Variants in KIRREL3 observed in about 807,000 individuals in gnomAD.
The protein encoded by KIRREL3 is kin of IRRE-like protein 3.
In KIRREL3, 36 loss-of-function variants were observed where a neutral mutation model predicts 89.7. That is an observed-to-expected ratio of 0.40 (90% confidence interval 0.31 to 0.53). KIRREL3 has a LOEUF of 0.53. Among genes scored for constraint, KIRREL3 ranks in the 20% least tolerant of loss-of-function variants. The pLI, the probability that KIRREL3 is intolerant of heterozygous loss-of-function variation, is 0.49. For missense variants in KIRREL3, 864 were observed against 1,056.6 expected (o/e 0.82, Z 2.53); for synonymous variants, 445 against 441.4 (o/e 1.01, Z -0.10).
chr11:126,886,373 T>G (rs1396996469), intron 1 of KIRREL3, among the ~76,000 whole-genome samples: 1 of 152,232 alleles, frequency 6.6e-6, no homozygotes, highest in Non-Finnish European at 1.5e-5. Flanking sequence ...TCATTTGTAC[T>G]GCCTCAGCCC....
intron 1 of KIRREL3, among the ~76,000 whole-genome samples, chr11:126,816,660 T>C (rs1219565100): frequency 1.3e-5 from 2 of 152,208 alleles, no homozygotes; most frequent in Non-Finnish European, 2.9e-5. Flanking sequence ...CCAAGGATAC[T>C]ATTTAATCTC....
rs1226248453 is a variant in KIRREL3 at position 126,601,388 on chromosome 11, C to A, written c.56-38476G>T. ...GGCGATGGGAACACAGCTCTGGGAGCACCTGCAATCTCATCTTGTTTCTTT... is the reference window on the plus strand; with the variant it reads ...GGCGATGGGAACACAGCTCTGGGAGAACCTGCAATCTCATCTTGTTTCTTT... On this transcript the variant is annotated intron_variant, in intron 1 of 16. Coordinates refer to ENST00000525144, the MANE Select transcript of KIRREL3 (RefSeq NM_032531.4). The surrounding 1 kb of genome is among the most constrained non-coding windows in gnomAD (Gnocchi z 5.8). Among the ~76,000 whole-genome samples the A allele has an allele frequency of 6.6e-6, 1 of 152,192 alleles. No homozygotes were observed. Among genetic ancestry groups the A allele is most frequent in the East Asian group, 1.9e-4 (1 of 5,196 alleles).
chr11:126,974,914 TTATG>T (rs760317896), intron 1 of KIRREL3, among the ~76,000 whole-genome samples: 4 of 152,154 alleles, frequency 2.6e-5, no homozygotes, highest in Non-Finnish European at 5.9e-5. Context: ...ACTTATTTAT[TTATG>T]TATGTATTTA....
At chr11:126,799,825 A>C (rs1163344307) in intron 1 of KIRREL3, among the ~76,000 whole-genome samples, 1 of 152,184 alleles carries the variant, frequency 6.6e-6, no homozygotes, top group Admixed American at 6.5e-5. Flanking sequence ...AAAAGGAGCT[A>C]AGTCTGCTTT....
intron 1 of KIRREL3, among the ~76,000 whole-genome samples, chr11:126,726,869 G>A (rs544036358): frequency 6.6e-6 from 1 of 152,098 alleles, no homozygotes; most frequent in Non-Finnish European, 1.5e-5. Context: ...CTTTCTTCCT[G>A]CAAAACTCCT....
chr11:126,692,949 T>G (rs1946936988), intron 1 of KIRREL3, among the ~76,000 whole-genome samples: 1 of 152,238 alleles, frequency 6.6e-6, no homozygotes, highest in Non-Finnish European at 1.5e-5. Context: ...GTGACTTGCT[T>G]TGGCCCATAG....
intron 1 of KIRREL3, among the ~76,000 whole-genome samples, chr11:126,567,874 C>T (rs767816988): frequency 2.6e-5 from 4 of 152,090 alleles, no homozygotes; most frequent in African/African-American, 4.8e-5. Context: ...CCGGTGACAA[C>T]GGATAGGCAC....
Position 126,946,542 on chromosome 11 carries a change from T to C in KIRREL3, c.55+53913A>G, listed in dbSNP as rs997852920. On this transcript the variant is annotated intron_variant, in intron 1 of 16. Coordinates refer to ENST00000525144, the MANE Select transcript of KIRREL3 (RefSeq NM_032531.4). This position sits in a 1 kb window ranked among gnomAD's most constrained non-coding sequence, Gnocchi z 4.1. Reference sequence around the variant, plus strand: ...GGTGACTTTCCACTCTAAAACTCTATACATTATTTGATTCATTTATTTAAC... The same window carrying C: ...GGTGACTTTCCACTCTAAAACTCTACACATTATTTGATTCATTTATTTAAC... 1.3e-5 allele frequency among the ~76,000 whole-genome samples: 2 copies of C among 152,268 alleles called. No homozygotes were observed. The highest frequency in any genetic ancestry group is 2.9e-5 in the Non-Finnish European group (2 of 68,054).
chr11:126,857,881 G>A (rs1944582863), intron 1 of KIRREL3, among the ~76,000 whole-genome samples: 1 of 151,992 alleles, frequency 6.6e-6, no homozygotes, highest in Admixed American at 6.6e-5. Flanking sequence ...CATGAAGGAT[G>A]AGAAACCTAC....
intron 7 of KIRREL3, among the ~76,000 whole-genome samples, chr11:126,453,252 T>A (rs1383337772): frequency 6.6e-6 from 1 of 152,090 alleles, no homozygotes; most frequent in Non-Finnish European, 1.5e-5. Flanking sequence ...AGGTTTCATC[T>A]CGTGTGGGGG....
chr11:126,863,405 G>A (rs1944775906), intron 1 of KIRREL3, among the ~76,000 whole-genome samples: 1 of 45,954 alleles, frequency 2.2e-5, no homozygotes, highest in African/African-American at 1.0e-4. Context: ...GTGAGTGCGT[G>A]AGTGCGTGTG....
intron 4 of KIRREL3, among the ~76,000 whole-genome samples, chr11:126,507,723 C>A (rs1591649817): frequency 6.6e-6 from 1 of 152,190 alleles, no homozygotes; most frequent in Admixed American, 6.6e-5. Flanking sequence ...ATTATCTAAT[C>A]AAAGGTTTTT....
intron 1 of KIRREL3, among the ~76,000 whole-genome samples, chr11:126,777,954 A>G (rs1950215229): frequency 6.6e-6 from 1 of 151,984 alleles, no homozygotes; most frequent in Non-Finnish European, 1.5e-5. Flanking sequence ...AATAGGAAGG[A>G]GCAGACTAGC....
Position 126,872,586 on chromosome 11 carries a change from A to AAAC in KIRREL3, c.55+127866_55+127868dup, listed in dbSNP as rs1661264367. Among the ~76,000 whole-genome samples, 1 of 152,212 alleles carries AAAC rather than the reference A, an allele frequency of 6.6e-6. No homozygotes were observed. The highest frequency in any genetic ancestry group is 2.1e-4 in the South Asian group (1 of 4,830). On this transcript the variant is annotated intron_variant, in intron 1 of 16. Transcript: ENST00000525144. The surrounding 1 kb of genome is among the most constrained non-coding windows in gnomAD (Gnocchi z 4.2). ...TCACTTCACCTGCATCATTTACATC[A>AAAC]AACAGCCCCTCTAAGGGACCTTAGG... is the stretch of plus-strand genomic sequence containing the variant.
In KIRREL3 at chr11:126,525,033, C is replaced by G. The variant is rs952217038; in HGVS notation, c.283+1505G>C. On this transcript the variant is annotated intron_variant, in intron 3 of 16. Transcript: ENST00000525144. The surrounding 1 kb of genome is among the most constrained non-coding windows in gnomAD (Gnocchi z 5.4). ...ACACAGGCCCCAGTTTGTCAGAGGCCATTGTTCTGCAGCCCTAAGCAGGTA... is the reference window on the plus strand; with the variant it reads ...ACACAGGCCCCAGTTTGTCAGAGGCGATTGTTCTGCAGCCCTAAGCAGGTA... Among the ~76,000 whole-genome samples the G allele has an allele frequency of 3.3e-5, 5 of 152,180 alleles. No individual in the cohort carries two copies. Among genetic ancestry groups the G allele is most frequent in the Non-Finnish European group, 4.4e-5 (3 of 68,026 alleles).
chr11:126,999,135 C>T lies in KIRREL3; in HGVS notation c.55+1320G>A, dbSNP rs2135303946. On this transcript the variant is annotated intron_variant, in intron 1 of 16. Transcript: ENST00000525144. This position sits in a 1 kb window ranked among gnomAD's most constrained non-coding sequence, Gnocchi z 5.7. ...GGAGCCTTGGTGAGAAGCACACAAC[C>T]ATATGAATACATGAGTGTGTGTGTG... Among the ~76,000 whole-genome samples the T allele has an allele frequency of 7.2e-6, 1 of 139,250 alleles. No individual in the cohort carries two copies. The highest frequency in any genetic ancestry group is 2.9e-5 in the African/African-American group (1 of 34,698). The allele number at this position is 139,250 out of a possible 152,430, so 91.4% of individuals were successfully genotyped here. A position where few individuals can be genotyped will look rare whatever the true frequency, so the allele number is the denominator to read the frequency against.
chr11:126,849,097 G>A (rs956289351), intron 1 of KIRREL3, among the ~76,000 whole-genome samples: 1 of 152,190 alleles, frequency 6.6e-6, no homozygotes, highest in African/African-American at 2.4e-5. Flanking sequence ...GAGATAGGAG[G>A]TCGACACAAG....
chr11:126,838,801 A>G (rs1052826463), intron 1 of KIRREL3, among the ~76,000 whole-genome samples: 17 of 152,230 alleles, frequency 1.1e-4, no homozygotes, highest in African/African-American at 4.1e-4. Flanking sequence ...AAGGGGGGAA[A>G]TATATGATCC....
rs1259406969 is a variant in KIRREL3, at chr11:126,491,282, C to T, written c.434-17816G>A. Among the ~76,000 whole-genome samples, 1 of 152,168 alleles carries T rather than the reference C, an allele frequency of 6.6e-6. No individual in the cohort carries two copies. The highest frequency in any genetic ancestry group is 1.5e-5 in the Non-Finnish European group (1 of 68,026). ...AAGCCTGTGAGCCTGAAACTCTGCTCAGGTGTCCGAATGTAATGTGAGCCC... is the reference window on the plus strand; with the variant it reads ...AAGCCTGTGAGCCTGAAACTCTGCTTAGGTGTCCGAATGTAATGTGAGCCC... On this transcript the variant is annotated intron_variant, in intron 4 of 16. Transcript: ENST00000525144. The surrounding 1 kb of genome is among the most constrained non-coding windows in gnomAD (Gnocchi z 5.5).
Sources: allele counts gnomAD v4.1 joint callset (sites outside exome capture counted in the v4.1 genomes callset), GRCh38; gene constraint gnomAD v4.1.1; non-coding constraint Gnocchi (gnomAD v3.1); transcripts MANE v1.5; gene names NCBI Gene and HGNC (gene_info 2026-07-23, HGNC 2026-07-21).